The following PCDHA8 variants were observed in gnomAD, a reference collection of about 807,000 sequenced individuals.
PCDHA8 encodes protocadherin alpha-8.
A neutral mutation model predicts 61.8 loss-of-function variants in PCDHA8; 53 were observed. The observed-to-expected ratio is 0.86, with a 90% CI of 0.69 to 1.08. The LOEUF (loss-of-function observed/expected upper bound fraction) is 1.08. Ranked by LOEUF, PCDHA8 falls within the 50% of genes least tolerant of loss-of-function variation. The probability of loss-of-function intolerance (pLI) is 0.00; values close to 1 mark genes in which losing one functional copy is unlikely to be tolerated. For synonymous variants in PCDHA8, 618 were observed against 556.6 expected (o/e 1.11, Z -1.55); for missense variants, 1,293 against 1,245.0 (o/e 1.04, Z -0.58).
Position 140,842,679 on chromosome 5 carries a change from C to T in PCDHA8, c.1358C>T (p.Pro453Leu), listed in dbSNP as rs2150341829. 264 of 1,595,330 alleles carry T rather than the reference C, an allele frequency of 1.7e-4. 16 individuals are homozygous for T. The South Asian group carries it at 1.9e-3, about 12-fold the overall frequency. ...VEVADVNDNAPAFAQPEYTVF... is the reference protein window; with the variant it reads ...VEVADVNDNALAFAQPEYTVF... ...GTGGCCGACGTGAACGACAATGCTCCGGCGTTCGCGCAGCCCGAGTACACG... is the reference window on the plus strand; with the variant it reads ...GTGGCCGACGTGAACGACAATGCTCTGGCGTTCGCGCAGCCCGAGTACACG... Residue 453 changes from proline to leucine, a missense_variant, in exon 1 of 4, where the codon CCG (proline) becomes CTG (leucine). Pro to Leu is a moderately conservative substitution (Grantham distance 98). Coordinates refer to ENST00000531613, the MANE Select transcript of PCDHA8 (RefSeq NM_018911.3).
intron 3 of PCDHA8, among the ~76,000 whole-genome samples, chr5:140,998,792 G>A (rs747824792): frequency 6.6e-6 from 1 of 152,156 alleles, no homozygotes; most frequent in Non-Finnish European, 1.5e-5. Flanking sequence ...TGGAACCCCT[G>A]ACCTCAGGTG....
intron 1 of PCDHA8, chr5:140,870,137 A>C (rs1554163840): frequency 6.2e-7 from 1 of 1,613,940 alleles, no homozygotes; most frequent in Non-Finnish European, 8.5e-7. Flanking sequence ...ACCAACGATA[A>C]CTCTCCTGAA....
At chr5:140,855,048 A>G (rs2043321235) in intron 1 of PCDHA8, among the ~76,000 whole-genome samples, 1 of 149,960 alleles carries the variant, frequency 6.7e-6, no homozygotes, top group Admixed American at 6.7e-5. Flanking sequence ...CTGTAATAGT[A>G]CTTTTCTGTT....
intron 1 of PCDHA8, chr5:140,928,268 G>A: frequency 6.2e-7 from 1 of 1,614,164 alleles, no homozygotes; most frequent in Non-Finnish European, 8.5e-7. Context: ...GAAAACAATG[G>A]CCCTGGGGCC....
At chr5:140,872,957 C>T (rs2054004795) in intron 1 of PCDHA8, among the ~76,000 whole-genome samples, 1 of 152,138 alleles carries the variant, frequency 6.6e-6, no homozygotes, top group African/African-American at 2.4e-5. Flanking sequence ...CACGTAGTAT[C>T]ATCCCATCTG....
At chr5:140,936,419 TTTAA>T (rs1159041231) in intron 1 of PCDHA8, among the ~76,000 whole-genome samples, 4 of 152,184 alleles carry the variant, frequency 2.6e-5, no homozygotes, top group Non-Finnish European at 5.9e-5. Context: ...TGTTACTAAT[TTTAA>T]TTAATTTAAG....
chr5:140,872,768 A>C (rs527621278), intron 1 of PCDHA8, among the ~76,000 whole-genome samples: 1 of 152,292 alleles, frequency 6.6e-6, no homozygotes, highest in East Asian at 1.9e-4. Context: ...ATAGGGCTAT[A>C]TTATCTATAA....
chr5:140,920,817 C>A (rs1430508925), intron 1 of PCDHA8, among the ~76,000 whole-genome samples: 1 of 150,498 alleles, frequency 6.6e-6, no homozygotes, highest in African/African-American at 2.5e-5. Flanking sequence ...GCACTCCAGC[C>A]TGGCGACGGA....
rs530563833 is a variant in PCDHA8, at chr5:140,894,957, T to A, written c.2394+51242T>A. Among the ~76,000 whole-genome samples, 18 of 152,324 alleles carry A rather than the reference T, an allele frequency of 1.2e-4. No individual in the cohort carries two copies. In the East Asian group the frequency reaches 3.3e-3, roughly 28 times the overall value. Reference sequence around the variant, plus strand: ...AGCTATTGTCATGAAATGATAAAAATATAATTTTTTAATGTCTTACTTTGT... The same window carrying A: ...AGCTATTGTCATGAAATGATAAAAAAATAATTTTTTAATGTCTTACTTTGT... On this transcript the variant is annotated intron_variant, in intron 1 of 3. Transcript: ENST00000531613.
chr5:140,910,127 C>T (rs1323587900), intron 1 of PCDHA8, among the ~76,000 whole-genome samples: 5 of 152,202 alleles, frequency 3.3e-5, no homozygotes, highest in African/African-American at 1.2e-4. Context: ...GGTCTGTAAA[C>T]TGGTTTAAGT....
intron 1 of PCDHA8, among the ~76,000 whole-genome samples, chr5:140,844,021 G>A (rs2150368279): frequency 1.3e-5 from 2 of 149,470 alleles, no homozygotes; most frequent in East Asian, 1.9e-4. Flanking sequence ...GACGTTCAGG[G>A]CATTTTGATC....
At chr5:140,959,317 A>G (rs1424960169) in intron 1 of PCDHA8, among the ~76,000 whole-genome samples, 3 of 152,078 alleles carry the variant, frequency 2.0e-5, no homozygotes, top group Non-Finnish European at 4.4e-5. Flanking sequence ...TGAAGCTGCA[A>G]TAAGTTTTGA....
intron 1 of PCDHA8, among the ~76,000 whole-genome samples, chr5:140,934,050 C>G (rs558726288): frequency 6.6e-6 from 1 of 151,834 alleles, no homozygotes; most frequent in African/African-American, 2.4e-5. Flanking sequence ...TTAGTCTTTC[C>G]AAGGCTAACT....
Position 140,843,444 on chromosome 5 carries a change from C to T in PCDHA8, c.2123C>T (p.Ser708Phe). ...VYLIIAICAV[S>F]SLLVLTLLLY... ...CTGATCATCGCCATCTGCGCGGTAT[C>T]CAGCCTGCTGGTGCTCACGCTGCTG... Residue 708 changes from serine (S) to phenylalanine (F), a missense_variant, in exon 1 of 4, where the codon TCC (serine) becomes TTC (phenylalanine). Coordinates refer to ENST00000531613, the MANE Select transcript of PCDHA8 (RefSeq NM_018911.3). 1.3e-6 allele frequency: 2 copies of T among 1,596,146 alleles called. No individual in the cohort carries two copies. Among genetic ancestry groups the T allele is most frequent in the Non-Finnish European group, 1.7e-6 (2 of 1,165,628 alleles).
At chr5:140,991,101 T>C (rs1281707030) in intron 3 of PCDHA8, among the ~76,000 whole-genome samples, 3 of 152,218 alleles carry the variant, frequency 2.0e-5, no homozygotes, top group African/African-American at 4.8e-5. Flanking sequence ...CTCATAAGAA[T>C]TAAGTGGCTT....
At chr5:141,009,551 C>G (rs551736337) in intron 3 of PCDHA8, 76 bp from the exon 4 acceptor site, 1 of 1,561,992 alleles carries the variant, frequency 6.4e-7, no homozygotes, top group East Asian at 2.2e-5. Flanking sequence ...ATGCAGTACT[C>G]CTGTACTCTA....
chr5:140,928,893 T>C (rs1554206469), intron 1 of PCDHA8: 1 of 1,614,052 alleles, frequency 6.2e-7, no homozygotes, highest in African/African-American at 1.3e-5. Flanking sequence ...TTCCAGACTT[T>C]GAAGATGTCT....
intron 1 of PCDHA8, among the ~76,000 whole-genome samples, chr5:140,885,900 C>G (rs1387318205): frequency 6.6e-6 from 1 of 152,120 alleles, no homozygotes; most frequent in Non-Finnish European, 1.5e-5. Flanking sequence ...GAAAAGTTCT[C>G]TGTACCTTAT....
At chr5:140,969,152 T>C in intron 1 of PCDHA8, 1 of 1,614,002 alleles carries the variant, frequency 6.2e-7, no homozygotes, top group East Asian at 2.2e-5. Flanking sequence ...CTACAAGGCC[T>C]GTCTGACAGC....
Sources: allele counts gnomAD v4.1 joint callset (sites outside exome capture counted in the v4.1 genomes callset), GRCh38; gene constraint gnomAD v4.1.1; transcripts MANE v1.5; gene names NCBI Gene and HGNC (gene_info 2026-07-23, HGNC 2026-07-21).